CDIN1: variants seen among roughly 807,000 people sequenced by gnomAD.
The protein encoded by CDIN1 is CDAN1 interacting nuclease 1, also known as CDAN1-interacting nuclease 1.
In CDIN1, 33 loss-of-function variants were observed where a neutral mutation model predicts 45.3. That is an observed-to-expected ratio of 0.73 (90% CI 0.55 to 0.97). The LOEUF is 0.97. Among genes scored for constraint, CDIN1 ranks in the 50% least tolerant of loss-of-function variants. The pLI, the probability that CDIN1 is intolerant of heterozygous loss-of-function variation, is 0.00. For synonymous variants in CDIN1, 118 were observed against 124.4 expected, an observed-to-expected ratio of 0.95 and a Z score of 0.34; for missense variants, 303 against 339.4, an observed-to-expected ratio of 0.89 and a Z score of 0.84.
intron 5 of CDIN1, among the ~76,000 whole-genome samples, chr15:36,665,480 CT>C (rs1168826414): frequency 6.6e-6 from 1 of 152,174 alleles, no homozygotes; most frequent in Non-Finnish European, 1.5e-5. Flanking sequence ...TGTTCTTCCC[CT>C]TTTATTTTTC....
chr15:36,675,159 T>C (rs1302954435), intron 5 of CDIN1, among the ~76,000 whole-genome samples: 1 of 152,142 alleles, frequency 6.6e-6, no homozygotes, highest in African/African-American at 2.4e-5. Context: ...ATAGATGTTT[T>C]GGGTTCATAT....
intron 1 of CDIN1, among the ~76,000 whole-genome samples, chr15:36,581,875 C>T (rs572084923): frequency 1.1e-4 from 16 of 152,224 alleles, no homozygotes; most frequent in Non-Finnish European, 2.2e-4. Context: ...GGATCTTTTA[C>T]CCATGCCTGA....
chr15:36,773,068 G>T (rs1264310528), intron 10 of CDIN1, among the ~76,000 whole-genome samples: 1 of 152,030 alleles, frequency 6.6e-6, no homozygotes. Context: ...TCCTGTTTGT[G>T]GGGGGTGGGG....
Position 36,618,761 on chromosome 15 carries a change from C to CAAA in CDIN1, c.102-25500_102-25498dup, listed in dbSNP as rs34933565. 3.7e-3 allele frequency: 2,268 copies of CAAA among 614,320 alleles called. 1 individual carries two copies. Among genetic ancestry groups the CAAA allele is most frequent in the South Asian group, 8.5e-3 (466 of 54,800 alleles). 38.1% of individuals were successfully genotyped at this position (614,320 alleles called of 1,614,324 possible). On this transcript the variant is annotated intron_variant, in intron 1 of 10. Transcript: ENST00000566621. ...CCTACTGCATTAAGCACAACTCAGC[C>CAAA]AAAAAAAAAAAAAAAAAAAGGATCT...
Position 36,579,957 on chromosome 15 carries a change from C to T in CDIN1, c.97C>T (p.Pro33Ser), listed in dbSNP as rs2036965052. The stretch of plus-strand genomic sequence containing the variant: ...CCTGAGGAAGCTGAAGCAGAGGTTT[C>T]CCAGGTAAGTGTCCATCTCTCCCCT... ...QSLRKLKQRF[P>S]SQSQATLLSI... Residue 33 changes from proline (P) to serine (S), a missense_variant, in exon 1 of 11, where the codon CCC becomes TCC. Pro to Ser is a moderately conservative substitution (Grantham distance 74). Coordinates refer to ENST00000566621, the MANE Select transcript of CDIN1 (RefSeq NM_001321759.2). 6.2e-7 allele frequency: 1 copy of T among 1,612,704 alleles called. No homozygotes were observed. Among genetic ancestry groups the T allele is most frequent in the South Asian group, 1.1e-5 (1 of 90,672 alleles).
At chr15:36,609,546 G>A (rs1339082545) in intron 1 of CDIN1, among the ~76,000 whole-genome samples, 1 of 152,138 alleles carries the variant, frequency 6.6e-6, no homozygotes, top group Non-Finnish European at 1.5e-5. Context: ...CAGGAGGATC[G>A]CTTGAAGCCA....
Position 36,808,449 on chromosome 15 carries a change from C to T in CDIN1, c.842C>T (p.Ala281Val). Residue 281 changes from alanine (A) to valine (V), a missense_variant, in exon 11 of 11, where the codon GCT (alanine) becomes GTT (valine). By Grantham distance (64) the Ala-to-Val change is moderately conservative (BLOSUM62 0). Transcript: ENST00000566621. ...TNIVTLCHSI[A>V] ...ATTGTCACCTTATGCCACAGCATAG[C>T]TTGACCCTGAAGATCCTGGAAGAGA... 1 of 1,613,374 alleles carries T rather than the reference C, an allele frequency of 6.2e-7. No homozygotes were observed. The highest frequency in any genetic ancestry group is 2.2e-5 in the East Asian group (1 of 44,860).
At chr15:36,667,773 G>C (rs1192652476) in intron 5 of CDIN1, among the ~76,000 whole-genome samples, 1 of 152,026 alleles carries the variant, frequency 6.6e-6, no homozygotes, top group Non-Finnish European at 1.5e-5. Context: ...ATACTATTTT[G>C]CTTAAGAAGC....
At chr15:36,714,185 T>G (rs2043146603) in intron 10 of CDIN1, among the ~76,000 whole-genome samples, 1 of 152,228 alleles carries the variant, frequency 6.6e-6, no homozygotes, top group Non-Finnish European at 1.5e-5. Context: ...TTTTCAAATG[T>G]GTAGACTTTT....
At position 36,808,620 on chromosome 15, in the gene CDIN1, T is replaced by C; in HGVS notation, c.*167T>C. ...TAGACAAACATATCAAGAGTTTCTG[T>C]TTTCCTTCATCCCTTGCTGATGTGA... On this transcript the variant is annotated 3_prime_UTR_variant, in exon 11 of 11. Coordinates refer to ENST00000566621, the MANE Select transcript of CDIN1 (RefSeq NM_001321759.2). 1 of 922,194 alleles carries C rather than the reference T, an allele frequency of 1.1e-6. No individual in the cohort carries two copies. Among genetic ancestry groups the C allele is most frequent in the Non-Finnish European group, 1.6e-6 (1 of 626,640 alleles). The allele number at this position is 922,194 out of a possible 1,614,324, so 57.1% of individuals were successfully genotyped here.
intron 10 of CDIN1, among the ~76,000 whole-genome samples, chr15:36,745,617 C>T (rs2044392478): frequency 6.6e-6 from 1 of 152,152 alleles, no homozygotes; most frequent in East Asian, 1.9e-4. Flanking sequence ...TTTAGATACT[C>T]TTAGGGTGTA....
intron 10 of CDIN1, among the ~76,000 whole-genome samples, chr15:36,800,879 A>G (rs1049561888): frequency 2.4e-5 from 2 of 82,532 alleles, no homozygotes; most frequent in African/African-American, 4.1e-5. Flanking sequence ...GTGTGTATAT[A>G]TGTGTGTGTG....
At chr15:36,719,749 C>T (rs1352564615) in intron 10 of CDIN1, among the ~76,000 whole-genome samples, 1 of 152,058 alleles carries the variant, frequency 6.6e-6, no homozygotes, top group African/African-American at 2.4e-5. Context: ...AGCATCTGGG[C>T]CTGTGGTATT....
In CDIN1 at chr15:36,709,949, G is replaced by A; in HGVS notation, c.704G>A (p.Ser235Asn). ...HHAYLHDQFW[S>N]YWNRFGPGLV... is the part of the protein sequence containing the mutation. ...GCCTACCTGCATGACCAGTTCTGGA[G>A]CTACTGGAATAGGTAAGGTCTCATT... Residue 235 changes from serine (S) to asparagine (N), a missense_variant, in exon 10 of 11, where the codon AGC becomes AAC. Coordinates refer to ENST00000566621, the MANE Select transcript of CDIN1 (RefSeq NM_001321759.2). 2 of 1,611,046 alleles carry A rather than the reference G, an allele frequency of 1.2e-6. No homozygotes were observed. Among genetic ancestry groups the A allele is most frequent in the Non-Finnish European group, 1.7e-6 (2 of 1,177,662 alleles).
At chr15:36,698,859 A>G (rs1180583006) in intron 8 of CDIN1, among the ~76,000 whole-genome samples, 1 of 152,204 alleles carries the variant, frequency 6.6e-6, no homozygotes, top group Non-Finnish European at 1.5e-5. Context: ...CAGCTGGGAA[A>G]AAAAGCAAAG....
chr15:36,798,910 T>C (rs2054911757), intron 10 of CDIN1: 1 of 152,216 alleles, frequency 6.6e-6, no homozygotes, highest in African/African-American at 2.4e-5. Flanking sequence ...AGAGCAAGTC[T>C]GATGGTTGAT....
chr15:36,637,507 G>A (rs2039949077), intron 1 of CDIN1, among the ~76,000 whole-genome samples: 1 of 152,200 alleles, frequency 6.6e-6, no homozygotes, highest in Non-Finnish European at 1.5e-5. Flanking sequence ...GAACTCTTCT[G>A]TAGTGTTGGT....
At chr15:36,636,812 A>G (rs1335269294) in intron 1 of CDIN1, among the ~76,000 whole-genome samples, 4 of 152,222 alleles carry the variant, frequency 2.6e-5, no homozygotes, top group African/African-American at 9.6e-5. Context: ...ACCAATCAAT[A>G]ATAAATTTTG....
intron 1 of CDIN1, among the ~76,000 whole-genome samples, chr15:36,630,307 T>A (rs1449309261): frequency 6.6e-6 from 1 of 152,188 alleles, no homozygotes; most frequent in Non-Finnish European, 1.5e-5. Context: ...GGCGCAGTTT[T>A]TTGATAAAAC....
Sources: allele counts gnomAD v4.1 joint callset (sites outside exome capture counted in the v4.1 genomes callset), GRCh38; gene constraint gnomAD v4.1.1; transcripts MANE v1.5; gene names NCBI Gene and HGNC (gene_info 2026-07-23, HGNC 2026-07-21).